The following ASAP1 variants were observed in gnomAD, a reference collection of about 807,000 sequenced individuals.
ASAP1 encodes ArfGAP with SH3 domain, ankyrin repeat and PH domain 1, also known as arf-GAP with SH3 domain, ANK repeat and PH domain-containing protein 1.
Under a neutral mutation model 145.2 loss-of-function variants are expected in ASAP1, and 43 were observed. The ratio of observed to expected loss-of-function variants is 0.30; its 90% CI spans 0.23 to 0.38. The LOEUF is 0.38. ASAP1 is among the 10% of genes least tolerant of loss of function. The pLI is 1.00. For synonymous variants in ASAP1, 546 were observed against 515.5 expected (o/e 1.06, Z -0.80); for missense variants, 1,018 against 1,355.3 (o/e 0.75, Z 3.91).
intron 2 of ASAP1, among the ~76,000 whole-genome samples, chr8:130,400,528 C>G (rs1044258157): frequency 2.6e-5 from 4 of 151,540 alleles, no homozygotes; most frequent in African/African-American, 9.7e-5. Context: ...GTGGCTCACG[C>G]CTGTAATCCA....
intron 24 of ASAP1, among the ~76,000 whole-genome samples, chr8:130,099,085 A>G (rs2097524114): frequency 7.1e-6 from 1 of 140,974 alleles, no homozygotes; most frequent in African/African-American, 2.7e-5. Context: ...ATCACAGTTC[A>G]CTGCAGCCTC....
intron 5 of ASAP1, chr8:130,195,229 A>AACAACACAT (rs1432090884): frequency 6.6e-5 from 10 of 152,072 alleles, no homozygotes; most frequent in African/African-American, 1.9e-4. Context: ...TTATTAAGCA[A>AACAACACAT]ACAACACATT....
intron 3 of ASAP1, among the ~76,000 whole-genome samples, chr8:130,261,582 A>G (rs1053295831): frequency 3.9e-5 from 6 of 152,182 alleles, no homozygotes; most frequent in Non-Finnish European, 8.8e-5. Context: ...GATGACCAGG[A>G]AGACCTCATA....
chr8:130,402,432 C>T (rs895849633), intron 1 of ASAP1, among the ~76,000 whole-genome samples: 3 of 152,096 alleles, frequency 2.0e-5, no homozygotes, highest in African/African-American at 4.8e-5. Flanking sequence ...TCAGGACAGC[C>T]CCTCTGAACC....
At chr8:130,241,996 T>C (rs1015630847) in intron 3 of ASAP1, among the ~76,000 whole-genome samples, 2 of 152,012 alleles carry the variant, frequency 1.3e-5, no homozygotes, top group Non-Finnish European at 2.9e-5. Flanking sequence ...CAGGAAATAG[T>C]ACATAACAAT....
intron 27 of ASAP1, chr8:130,069,679 G>A (rs538946570): frequency 2.0e-5 from 3 of 152,226 alleles, no homozygotes; most frequent in African/African-American, 4.8e-5. Context: ...CAACATTATC[G>A]AAGCTTGGGT....
intron 1 of ASAP1, among the ~76,000 whole-genome samples, chr8:130,420,760 G>A (rs1829687527): frequency 6.6e-6 from 1 of 151,986 alleles, no homozygotes; most frequent in Admixed American, 6.6e-5. Context: ...CAGGCGTAGT[G>A]GTGCACACCT....
chr8:130,082,581 G>A (rs189422185), intron 25 of ASAP1, among the ~76,000 whole-genome samples: 2 of 149,846 alleles, frequency 1.3e-5, no homozygotes, highest in East Asian at 4.0e-4. Context: ...ATAGCTCACT[G>A]CAGCCTTAAA....
At chr8:130,414,852 G>C (rs1829411128) in intron 1 of ASAP1, among the ~76,000 whole-genome samples, 1 of 151,920 alleles carries the variant, frequency 6.6e-6, no homozygotes, top group South Asian at 2.1e-4. Context: ...CACCTCCCGG[G>C]TTCAAGCAAT....
chr8:130,109,979 G>A (rs1018038575), intron 24 of ASAP1, among the ~76,000 whole-genome samples: 2 of 152,170 alleles, frequency 1.3e-5, no homozygotes, highest in African/African-American at 4.8e-5. Flanking sequence ...GGGGAAGTGG[G>A]GAAAGTACTG....
intron 1 of ASAP1, 40 bp from the exon 2 acceptor site, chr8:130,402,010 C>T (rs905512511): frequency 3.2e-5 from 44 of 1,387,570 alleles, no homozygotes; most frequent in South Asian, 2.0e-4. Flanking sequence ...AAGAGTCATC[C>T]GGTGAAACTG....
chr8:130,406,179 G>A (rs1829018842), intron 1 of ASAP1, among the ~76,000 whole-genome samples: 1 of 152,174 alleles, frequency 6.6e-6, no homozygotes, highest in African/African-American at 2.4e-5. Context: ...CTGTGCCAGG[G>A]ACTGCTCCTG....
intron 5 of ASAP1, among the ~76,000 whole-genome samples, chr8:130,211,228 G>A (rs930434868): frequency 6.6e-6 from 1 of 152,132 alleles, no homozygotes; most frequent in South Asian, 2.1e-4. Context: ...AAACTGACTT[G>A]GTGCATCAAC....
intron 5 of ASAP1, among the ~76,000 whole-genome samples, chr8:130,208,377 G>C (rs1443732035): frequency 2.0e-5 from 3 of 152,270 alleles, no homozygotes; most frequent in Admixed American, 2.0e-4. Context: ...TTATCAAACT[G>C]TTCCATCAAT....
At chr8:130,240,307 T>C (rs921634491) in intron 3 of ASAP1, among the ~76,000 whole-genome samples, 19 of 152,112 alleles carry the variant, frequency 1.2e-4, no homozygotes, top group Non-Finnish European at 4.4e-5. Flanking sequence ...GACACTTCTT[T>C]TTTTTTAAGC....
chr8:130,294,152 A>G (rs1822115336), intron 3 of ASAP1, among the ~76,000 whole-genome samples: 1 of 152,218 alleles, frequency 6.6e-6, no homozygotes, highest in African/African-American at 2.4e-5. Flanking sequence ...CCAGAGAGAG[A>G]GGGCATTTCC....
chr8:130,356,888 G>T (rs1826343727), intron 3 of ASAP1, among the ~76,000 whole-genome samples: 1 of 152,138 alleles, frequency 6.6e-6, no homozygotes, highest in Admixed American at 6.5e-5. Flanking sequence ...GGGGTGGGGG[G>T]CTTACATCAG....
At chr8:130,189,322 T>C (rs1302501704) in intron 5 of ASAP1, among the ~76,000 whole-genome samples, 1 of 152,194 alleles carries the variant, frequency 6.6e-6, no homozygotes, top group East Asian at 1.9e-4. Context: ...TCCTCCCCAC[T>C]ATCCTTCCCA....
chr8:130,240,688 A>C (rs912795893), intron 3 of ASAP1, among the ~76,000 whole-genome samples: 3 of 152,202 alleles, frequency 2.0e-5, no homozygotes, highest in African/African-American at 7.2e-5. Context: ...ATTAACAAAT[A>C]AATGAATACA....
Sources: gnomAD v4.1 joint callset for allele counts (sites outside exome capture counted in the v4.1 genomes callset) on GRCh38, gnomAD v4.1.1 for gene constraint, MANE v1.5 for transcripts, NCBI Gene and HGNC (gene_info 2026-07-23, HGNC 2026-07-21) for gene names.